P3H2: variants seen among roughly 807,000 people sequenced by gnomAD.
The protein encoded by P3H2 is prolyl 3-hydroxylase 2.
P3H2 carries 80 observed loss-of-function variants against 87.0 expected under a neutral mutation model. That is an observed-to-expected ratio of 0.92 (90% confidence interval 0.77 to 1.11). The LOEUF (loss-of-function observed/expected upper bound fraction) is 1.11. Ranked by LOEUF, P3H2 falls within the 50% of genes least tolerant of loss-of-function variation. The pLI is 0.00. For missense variants in P3H2, 1,001 were observed against 923.9 expected (o/e 1.08, Z -1.08); for synonymous variants, 367 against 359.3 (o/e 1.02, Z -0.24).
At chr3:190,089,098 G>T (rs941685956) in intron 1 of P3H2, among the ~76,000 whole-genome samples, 6 of 152,112 alleles carry the variant, frequency 3.9e-5, no homozygotes, top group Non-Finnish European at 7.3e-5. Flanking sequence ...ATCTCCTAGG[G>T]CCAGCATTCA....
At chr3:190,041,300 A>C (rs1719612) in intron 1 of P3H2, among the ~76,000 whole-genome samples, 1 of 142,234 alleles carries the variant, frequency 7.0e-6, no homozygotes. Flanking sequence ...AAAAAAAAGC[A>C]CTAAAATTTG....
intron 1 of P3H2, among the ~76,000 whole-genome samples, chr3:190,048,172 T>C (rs950496501): frequency 1.3e-5 from 2 of 152,162 alleles, no homozygotes; most frequent in Admixed American, 1.3e-4. Flanking sequence ...ATTCAAGAGA[T>C]TTTATTTTAA....
At chr3:190,002,466 T>C (rs1159740914) in intron 1 of P3H2, among the ~76,000 whole-genome samples, 3 of 151,718 alleles carry the variant, frequency 2.0e-5, no homozygotes, top group African/African-American at 7.3e-5. Context: ...AATGGCATGG[T>C]CTCAGCTCAC....
chr3:190,002,401 CTTTTCTTTTTTTT>C (rs1724244190), intron 1 of P3H2, among the ~76,000 whole-genome samples: 1 of 149,324 alleles, frequency 6.7e-6, no homozygotes, highest in South Asian at 2.1e-4. Context: ...TTTCTTTTTT[CTTTTCTTTTTTTT>C]TTTTTGAGTT....
At chr3:189,996,553 A>G (rs1724057774) in intron 1 of P3H2, among the ~76,000 whole-genome samples, 1 of 152,230 alleles carries the variant, frequency 6.6e-6, no homozygotes, top group Admixed American at 6.5e-5. Context: ...GCACAGTAGG[A>G]TAACAATAGC....
At chr3:190,039,516 T>G (rs1725534900) in intron 1 of P3H2, among the ~76,000 whole-genome samples, 1 of 149,124 alleles carries the variant, frequency 6.7e-6, no homozygotes, top group Non-Finnish European at 1.5e-5. Flanking sequence ...TATATATTGT[T>G]AATTGCAAAA....
rs1724022135 is a variant in P3H2, at chr3:189,995,408, T to A, written c.515A>T (p.His172Leu). 6.2e-7 allele frequency: 1 copy of A among 1,614,040 alleles called. No homozygotes were observed. Among genetic ancestry groups the A allele is most frequent in the African/African-American group, 1.3e-5 (1 of 75,008 alleles). The change falls in exon 2 of 15, where the codon CAC (histidine) becomes CTC (leucine). Residue 172 changes from histidine (H) to leucine (L), a missense_variant. Transcript: ENST00000319332. ...NQLEKAVEAA[H>L]TFFVANPEHM... ...CTCAGGGTTAGCCACGAAAAATGTG[T>A]GAGCTGCTTCCACTGCTTTTTCGAG... is the stretch of plus-strand genomic sequence containing the variant.
At chr3:189,960,988 T>G (rs1319890711) in intron 14 of P3H2, among the ~76,000 whole-genome samples, 1 of 151,882 alleles carries the variant, frequency 6.6e-6, no homozygotes, top group Non-Finnish European at 1.5e-5. Context: ...TTGCCCAGGT[T>G]GGAGTGCAGT....
chr3:190,080,619 C>T (rs911626483), intron 1 of P3H2, among the ~76,000 whole-genome samples: 1 of 152,044 alleles, frequency 6.6e-6, no homozygotes, highest in African/African-American at 2.4e-5. Flanking sequence ...TCAGGCTAGT[C>T]TCGAACTCCC....
intron 13 of P3H2, among the ~76,000 whole-genome samples, chr3:189,967,136 G>A (rs1484685732): frequency 1.3e-5 from 2 of 151,978 alleles, no homozygotes; most frequent in Non-Finnish European, 2.9e-5. Context: ...ACTGCCTTAC[G>A]TAAGAATTTT....
chr3:190,113,868 G>A (rs974468835), intron 1 of P3H2, among the ~76,000 whole-genome samples: 10 of 152,008 alleles, frequency 6.6e-5, no homozygotes, highest in Admixed American at 3.3e-4. Context: ...ACGAGGTCGG[G>A]AGTTCGAGAC....
At chr3:189,969,510 T>C (rs1723106638) in intron 13 of P3H2, 1 of 1,071,066 alleles carries the variant, frequency 9.3e-7, no homozygotes, top group Middle Eastern at 2.0e-4. Context: ...GGTCTCATAC[T>C]GGTCCTGTCA....
chr3:190,093,218 G>A (rs1007645294), intron 1 of P3H2, among the ~76,000 whole-genome samples: 27 of 152,166 alleles, frequency 1.8e-4, no homozygotes, highest in African/African-American at 4.8e-4. Context: ...CATAGTAGAC[G>A]GCAGAGACAT....
chr3:190,112,748 A>T (rs1712121711), intron 1 of P3H2, among the ~76,000 whole-genome samples: 1 of 152,124 alleles, frequency 6.6e-6, no homozygotes, highest in Admixed American at 6.5e-5. Flanking sequence ...AGCAAAACAC[A>T]CATACAACAC....
intron 1 of P3H2, among the ~76,000 whole-genome samples, chr3:190,076,222 C>G (rs75116670): frequency 0.011 from 1,643 of 151,736 alleles, 34 homozygotes; most frequent in African/African-American, 0.037. Context: ...AACAATTAAA[C>G]ACAAGTGTCC....
At chr3:190,045,781 A>AG (rs1725779773) in intron 1 of P3H2, among the ~76,000 whole-genome samples, 1 of 151,360 alleles carries the variant, frequency 6.6e-6, no homozygotes, top group South Asian at 2.1e-4. Flanking sequence ...TTCCTGAAAA[A>AG]AAAAAGAAAT....
At chr3:189,962,376 T>G (rs991048454) in intron 14 of P3H2, among the ~76,000 whole-genome samples, 6 of 152,104 alleles carry the variant, frequency 3.9e-5, no homozygotes, top group African/African-American at 1.4e-4. Flanking sequence ...GGTTTCACCA[T>G]GTTGGCCAGG....
intron 1 of P3H2, among the ~76,000 whole-genome samples, chr3:190,026,033 C>T (rs1303618164): frequency 2.0e-5 from 3 of 151,982 alleles, no homozygotes; most frequent in Non-Finnish European, 4.4e-5. Flanking sequence ...CATTATTTCT[C>T]GGGCCCTTGA....
At chr3:189,966,035 GAAAGAAAGA>G (rs1387789902) in intron 13 of P3H2, among the ~76,000 whole-genome samples, 5 of 136,526 alleles carry the variant, frequency 3.7e-5, no homozygotes, top group Non-Finnish European at 7.8e-5. Context: ...AAGAGAGAGA[GAAAGAAAGA>G]AAAGAAAGAA....
Sources: gnomAD v4.1 joint callset for allele counts (sites outside exome capture counted in the v4.1 genomes callset) on GRCh38, gnomAD v4.1.1 for gene constraint, MANE v1.5 for transcripts, NCBI Gene and HGNC (gene_info 2026-07-23, HGNC 2026-07-21) for gene names.